IDO2: variants seen among roughly 807,000 people sequenced by gnomAD.
IDO2 encodes the protein indoleamine 2,3-dioxygenase 2, also known as indoleamine 2,3-dioxygenase-like 1 protein.
In IDO2, 46 loss-of-function variants were observed where a neutral mutation model predicts 45.1. The observed-to-expected ratio is 1.02, with a 90% confidence interval of 0.80 to 1.30. The LOEUF (loss-of-function observed/expected upper bound fraction) is 1.30. Among genes scored for constraint, IDO2 ranks in the 50% most tolerant of loss-of-function variants. IDO2 has a pLI of 0.00. For synonymous variants in IDO2, 218 were observed against 184.9 expected (o/e 1.18, Z -1.45); for missense variants, 544 against 491.8 (o/e 1.11, Z -1.00).
intron 2 of IDO2, among the ~76,000 whole-genome samples, chr8:39,952,246 C>T (rs1424091408): frequency 6.6e-6 from 1 of 152,114 alleles, no homozygotes; most frequent in Non-Finnish European, 1.5e-5. Context: ...CAATTGGCTG[C>T]CCTGCTCAAG....
intron 1 of IDO2, among the ~76,000 whole-genome samples, chr8:39,939,030 G>A (rs1458886338): frequency 6.6e-6 from 1 of 151,990 alleles, no homozygotes. Context: ...GAGGCGGGTG[G>A]ATCACCAGGT....
At chr8:40,003,368 CAAAAAAAAAAAAA>C (rs1172335332) in intron 8 of IDO2, among the ~76,000 whole-genome samples, 1 of 118,426 alleles carries the variant, frequency 8.4e-6, no homozygotes, top group South Asian at 2.7e-4. Context: ...GACTCCATCT[CAAAAAAAAAAAAA>C]AAAAAAAAAA....
At chr8:39,971,047 A>T (rs1024298116) in intron 3 of IDO2, among the ~76,000 whole-genome samples, 2 of 152,262 alleles carry the variant, frequency 1.3e-5, no homozygotes, top group Admixed American at 6.5e-5. Flanking sequence ...TACAGGTGTG[A>T]GCCACTGCGC....
rs377659205 is a variant in IDO2 at position 39,939,531 on chromosome 8, G to A, written c.-18+4313G>A. Reference sequence around the variant, plus strand: ...CACTGTACTCCAGCCTGAACGACAGGGCGAGACTCTGTCTCAAAAAAAAAA... The same window carrying A: ...CACTGTACTCCAGCCTGAACGACAGAGCGAGACTCTGTCTCAAAAAAAAAA... On this transcript the variant is annotated intron_variant, in intron 1 of 10. Transcript: ENST00000502986. 1.8e-3 allele frequency among the ~76,000 whole-genome samples: 234 copies of A among 132,170 alleles called. 3 individuals are homozygous for A. The highest frequency in any genetic ancestry group is 6.5e-3 in the African/African-American group (217 of 33,270). The allele number at this position is 132,170 out of a possible 152,430, so 86.7% of individuals were successfully genotyped here.
chr8:39,937,464 TGTAAC>T (rs1807569342), intron 1 of IDO2, among the ~76,000 whole-genome samples: 1 of 152,176 alleles, frequency 6.6e-6, no homozygotes, highest in East Asian at 1.9e-4. Flanking sequence ...CTTTATGTAA[TGTAAC>T]TGTCTATTTC....
chr8:39,996,291 C>A (rs1585416348), intron 8 of IDO2, among the ~76,000 whole-genome samples: 1 of 152,176 alleles, frequency 6.6e-6, no homozygotes, highest in East Asian at 1.9e-4. Flanking sequence ...CACCTGGCTC[C>A]GCCTTTTAGA....
At chr8:39,984,989 T>A (rs909821591) in intron 5 of IDO2, 1 of 404,260 alleles carries the variant, frequency 2.5e-6, no homozygotes, top group Non-Finnish European at 4.8e-6. Context: ...TGGAGTGCAG[T>A]GGCATGATCT....
intron 3 of IDO2, among the ~76,000 whole-genome samples, chr8:39,976,661 G>T (rs1585407689): frequency 6.6e-6 from 1 of 152,284 alleles, no homozygotes; most frequent in East Asian, 1.9e-4. Context: ...TGTTCACAAT[G>T]GTTCCGAGAA....
rs187585636 is a variant in IDO2, at chr8:39,939,110, G to T, written c.-18+3892G>T. Among the ~76,000 whole-genome samples, 11 of 152,134 alleles carry T rather than the reference G, an allele frequency of 7.2e-5. No homozygotes were observed. In the East Asian group the frequency reaches 1.9e-3, roughly 27 times the overall value. ...CTACTAAAAATACAAAAATTAGCCC[G>T]GTGTGGTGGCGGGCGCCTGCTACTC... On this transcript the variant is annotated intron_variant, in intron 1 of 10. Coordinates refer to ENST00000502986, the Ensembl canonical transcript of IDO2.
chr8:39,981,079 C>T (rs1410639456), intron 4 of IDO2, among the ~76,000 whole-genome samples: 34 of 106,330 alleles, frequency 3.2e-4, no homozygotes, highest in African/African-American at 7.7e-4. Context: ...TTTTTTTTTT[C>T]GAGACGGAGT....
intron 3 of IDO2, among the ~76,000 whole-genome samples, chr8:39,976,849 T>A (rs182694307): frequency 6.6e-6 from 1 of 152,354 alleles, no homozygotes; most frequent in African/African-American, 2.4e-5. Flanking sequence ...AGTCCGATAT[T>A]ATTTCTATTA....
chr8:39,970,479 C>T (rs1028372721), intron 3 of IDO2, among the ~76,000 whole-genome samples: 1 of 152,178 alleles, frequency 6.6e-6, no homozygotes, highest in Non-Finnish European at 1.5e-5. Flanking sequence ...GCAACCTCCA[C>T]CTCCTAGGTT....
At chr8:39,973,696 T>G (rs1050078121) in intron 3 of IDO2, among the ~76,000 whole-genome samples, 5 of 151,676 alleles carry the variant, frequency 3.3e-5, no homozygotes, top group African/African-American at 1.2e-4. Flanking sequence ...CATAGTGGAG[T>G]GAGAGCTGTA....
chr8:40,011,980 C>T (rs535431649), intron 9 of IDO2, among the ~76,000 whole-genome samples: 5 of 152,246 alleles, frequency 3.3e-5, no homozygotes, highest in South Asian at 2.1e-4. Flanking sequence ...TGATGTTGCC[C>T]CAATTGCGGA....
chr8:39,987,747 G>A (rs1808445755), intron 6 of IDO2, 124 bp from the exon 7 acceptor site: 8 of 619,578 alleles, frequency 1.3e-5, no homozygotes, highest in South Asian at 6.1e-5. Context: ...GCTGTCTTAC[G>A]GAGAGGAGAA....
At chr8:39,981,358 C>CG (rs1311384426) in intron 4 of IDO2, among the ~76,000 whole-genome samples, 87 of 152,272 alleles carry the variant, frequency 5.7e-4, no homozygotes, top group Non-Finnish European at 1.0e-4. Flanking sequence ...CCGTGCCCGG[C>CG]GTGCATTTTT....
chr8:39,941,097 C>A (rs1230401100), intron 1 of IDO2, among the ~76,000 whole-genome samples: 1 of 150,922 alleles, frequency 6.6e-6, no homozygotes, highest in Non-Finnish European at 1.5e-5. Flanking sequence ...TGGCAGGGGC[C>A]CGTAATCCCA....
chr8:39,981,358 C>T (rs1382134829), intron 4 of IDO2, among the ~76,000 whole-genome samples: 3 of 152,156 alleles, frequency 2.0e-5, no homozygotes, highest in Non-Finnish European at 4.4e-5. Context: ...CCGTGCCCGG[C>T]GTGCATTTTT....
exon 1 of IDO2, chr8:39,934,785 A>C (rs1807520124): frequency 3.4e-6 from 1 of 292,114 alleles, no homozygotes; most frequent in South Asian, 3.3e-5. Flanking sequence ...TTGCCATAGG[A>C]GTGGCAGCCA....
Sources: gnomAD v4.1 joint callset for allele counts (sites outside exome capture counted in the v4.1 genomes callset) on GRCh38, gnomAD v4.1.1 for gene constraint, MANE v1.5 for transcripts, NCBI Gene and HGNC (gene_info 2026-07-23, HGNC 2026-07-21) for gene names.